Variants in S100PBP observed in about 807,000 individuals in gnomAD.
The protein encoded by S100PBP is S100P-binding protein.
In S100PBP, 15 loss-of-function variants were observed where a neutral mutation model predicts 39.9. The ratio of observed to expected loss-of-function variants is 0.38; its 90% CI spans 0.25 to 0.58. S100PBP has a LOEUF of 0.58. Ranked by LOEUF, S100PBP falls within the 20% of genes least tolerant of loss-of-function variation. The pLI is 0.70. For synonymous variants in S100PBP, 178 were observed against 180.3 expected (o/e 0.99, Z 0.10); for missense variants, 504 against 487.3 (o/e 1.03, Z -0.32).
Position 32,856,111 on chromosome 1 carries a change from C to G in S100PBP, c.*73C>G, listed in dbSNP as rs1432369670. On this transcript the variant is annotated 3_prime_UTR_variant, in exon 7 of 7. Transcript: ENST00000373475. ...TGGAGCAGCATTTCATGTTCTTTTG[C>G]TGTTTTGTGCTTTGCCGATTTTGGA... is the stretch of plus-strand genomic sequence containing the variant. The G allele has an allele frequency of 2.1e-6, 2 of 935,726 alleles. No homozygotes were observed. The highest frequency in any genetic ancestry group is 3.3e-6 in the Non-Finnish European group (2 of 611,246). The allele number at this position is 935,726 out of a possible 1,614,324, so 58.0% of individuals were successfully genotyped here.
rs1184008721 is a variant in S100PBP, at chr1:32,855,831, C to T, written c.1113-93C>T. On this transcript the variant is annotated intron_variant, in intron 6 of 6. Transcript: ENST00000373475. Reference sequence around the variant, plus strand: ...ATATCTGATTTCCAAAAGTAAAGATCTTCTTAAAATTGTTGTGCTGGCCTT... The same window carrying T: ...ATATCTGATTTCCAAAAGTAAAGATTTTCTTAAAATTGTTGTGCTGGCCTT... The T allele has an allele frequency of 4.7e-6, 3 of 643,880 alleles. No individual in the cohort carries two copies. In the African/African-American group the frequency reaches 5.6e-5, roughly 12 times the overall value. 39.9% of individuals were successfully genotyped at this position (643,880 alleles called of 1,614,324 possible).
intron 5 of S100PBP, among the ~76,000 whole-genome samples, chr1:32,833,335 A>G (rs1196929576): frequency 6.6e-6 from 1 of 151,862 alleles, no homozygotes; most frequent in African/African-American, 2.4e-5. Flanking sequence ...ATCATGAAAA[A>G]TAACTTTGTT....
chr1:32,838,200 G>A (rs1312917819), intron 5 of S100PBP, among the ~76,000 whole-genome samples: 31 of 151,792 alleles, frequency 2.0e-4, no homozygotes, highest in Admixed American at 1.7e-3. Flanking sequence ...AATTAGCTGC[G>A]CGTGGCTCCT....
rs112518346 is a variant in S100PBP, at chr1:32,836,658, G to A, written c.1024+6591G>A. ...GGAGAGCTTTTTCCTAGAGCCTTCT[G>A]TTCTACTGCTCCAATTTGCACTGCT... is the stretch of plus-strand genomic sequence containing the variant. On this transcript the variant is annotated intron_variant, in intron 5 of 6. Transcript: ENST00000373475. 681 of 796,340 alleles carry A rather than the reference G, an allele frequency of 8.6e-4. 7 individuals are homozygous for A. In the African/African-American group the frequency reaches 0.012, roughly 14 times the overall value. The allele number at this position is 796,340 out of a possible 1,614,324, so 49.3% of individuals were successfully genotyped here.
In S100PBP at chr1:32,829,960, C is replaced by T. The variant is rs1287400330; in HGVS notation, c.921-4C>T. ...TTTCTTTTTTCTGGTTTGCTTTATT[C>T]AAGGACTAATGTTCCGACGTTTTCA... On this transcript the variant is annotated splice_polypyrimidine_tract_variant and splice_region_variant and intron_variant, in intron 4 of 6. Transcript: ENST00000373475. 1 of 1,609,328 alleles carries T rather than the reference C, an allele frequency of 6.2e-7. No homozygotes were observed. Among genetic ancestry groups the T allele is most frequent in the Non-Finnish European group, 8.5e-7 (1 of 1,176,240 alleles).
chr1:32,851,483 T>C (rs1323392099), intron 5 of S100PBP, among the ~76,000 whole-genome samples: 2 of 152,028 alleles, frequency 1.3e-5, no homozygotes, highest in African/African-American at 4.8e-5. Context: ...CTGGCCAACA[T>C]GGTGAAACCC....
At chr1:32,838,168 C>T (rs1216869530) in intron 5 of S100PBP, among the ~76,000 whole-genome samples, 2 of 151,690 alleles carry the variant, frequency 1.3e-5, no homozygotes, top group Non-Finnish European at 2.9e-5. Context: ...GGTGAAACTC[C>T]GTCTCTACTA....
chr1:32,841,048 C>T (rs985576034), intron 5 of S100PBP, among the ~76,000 whole-genome samples: 2 of 151,766 alleles, frequency 1.3e-5, no homozygotes, highest in South Asian at 4.2e-4. Context: ...GTAGTCCCAG[C>T]TACTCAGGAG....
intron 1 of S100PBP, among the ~76,000 whole-genome samples, chr1:32,823,973 CG>C (rs1193063004): frequency 6.6e-6 from 1 of 152,096 alleles, no homozygotes; most frequent in Non-Finnish European, 1.5e-5. Context: ...CCGAGGCAGG[CG>C]GATCACAAGG....
chr1:32,831,962 TC>T (rs1216242675), intron 5 of S100PBP, among the ~76,000 whole-genome samples: 1 of 152,206 alleles, frequency 6.6e-6, no homozygotes, highest in Non-Finnish European at 1.5e-5. Flanking sequence ...ATTCAGCAGT[TC>T]CTTTCCCAGT....
chr1:32,817,314 G>A, upstream of S100PBP: 3 of 1,592,206 alleles, frequency 1.9e-6, no homozygotes, highest in Non-Finnish European at 2.6e-6. Context: ...CGTCGCCGCC[G>A]CGTGCCGGGA....
upstream of S100PBP, chr1:32,817,407 GA>G (rs1309860274): frequency 8.6e-6 from 7 of 810,268 alleles, no homozygotes; most frequent in Admixed American, 4.7e-5. Flanking sequence ...GCAGCGGCCG[GA>G]AAAAGTGAGG....
chr1:32,823,708 A>G (rs191161753), intron 1 of S100PBP, among the ~76,000 whole-genome samples: 266 of 152,280 alleles, frequency 1.7e-3, no homozygotes, highest in African/African-American at 6.3e-3. Flanking sequence ...TTTATTGTCC[A>G]TACCATTTTA....
intron 5 of S100PBP, among the ~76,000 whole-genome samples, chr1:32,838,065 G>A (rs1639910727): frequency 6.6e-6 from 1 of 152,100 alleles, no homozygotes; most frequent in South Asian, 2.1e-4. Flanking sequence ...CTGCCAGCTG[G>A]GTGCGGTGGC....
At chr1:32,838,581 G>A (rs566420050) in intron 5 of S100PBP, among the ~76,000 whole-genome samples, 5 of 152,098 alleles carry the variant, frequency 3.3e-5, no homozygotes, top group African/African-American at 9.6e-5. Context: ...AGTGGCTCAC[G>A]CCTGTAATCC....
Position 32,856,127 on chromosome 1 carries a change from C to T in S100PBP, c.*89C>T, listed in dbSNP as rs184602019. On this transcript the variant is annotated 3_prime_UTR_variant, in exon 7 of 7. Transcript: ENST00000373475. Reference sequence around the variant, plus strand: ...GTTCTTTTGCTGTTTTGTGCTTTGCCGATTTTGGATTTTATTTTTCACAAA... The same window carrying T: ...GTTCTTTTGCTGTTTTGTGCTTTGCTGATTTTGGATTTTATTTTTCACAAA... 246 of 798,492 alleles carry T rather than the reference C, an allele frequency of 3.1e-4. No individual in the cohort carries two copies. Among genetic ancestry groups the T allele is most frequent in the African/African-American group, 1.4e-3 (77 of 56,512 alleles). The allele number at this position is 798,492 out of a possible 1,614,324, so 49.5% of individuals were successfully genotyped here.
rs1158929345 is a variant in S100PBP, at chr1:32,856,956, C to T, written c.*918C>T. Reference sequence around the variant, plus strand: ...TTGCTGTCTTTATTGAAGAGCTGCCCACCCAGAGTCTTGACTCTAGGGCAG... The same window carrying T: ...TTGCTGTCTTTATTGAAGAGCTGCCTACCCAGAGTCTTGACTCTAGGGCAG... On this transcript the variant is annotated 3_prime_UTR_variant, in exon 7 of 7. Coordinates refer to ENST00000373475, the MANE Select transcript of S100PBP (RefSeq NM_022753.4). 6.6e-6 allele frequency: 1 copy of T among 152,162 alleles called. No homozygotes were observed. Among genetic ancestry groups the T allele is most frequent in the African/African-American group, 2.4e-5 (1 of 41,434 alleles). 9.4% of individuals were successfully genotyped at this position (152,162 alleles called of 1,614,324 possible). A position where few individuals can be genotyped will look rare whatever the true frequency, so the allele number is the denominator to read the frequency against.
At chr1:32,841,025 G>A (rs553501934) in intron 5 of S100PBP, among the ~76,000 whole-genome samples, 1 of 152,062 alleles carries the variant, frequency 6.6e-6, no homozygotes, top group South Asian at 2.1e-4. Flanking sequence ...GCTGGGCATG[G>A]TGGCGGGTGC....
At chr1:32,840,581 T>A (rs1342518831) in intron 5 of S100PBP, among the ~76,000 whole-genome samples, 1 of 151,920 alleles carries the variant, frequency 6.6e-6, no homozygotes, top group African/African-American at 2.4e-5. Flanking sequence ...GGTTTCGAAC[T>A]CCTGACCTCA....
Sources: allele counts gnomAD v4.1 joint callset (sites outside exome capture counted in the v4.1 genomes callset), GRCh38; gene constraint gnomAD v4.1.1; transcripts MANE v1.5; gene names NCBI Gene and HGNC (gene_info 2026-07-23, HGNC 2026-07-21).